LPIN2: variants seen among roughly 807,000 people sequenced by gnomAD.
LPIN2 encodes the protein lipin 2.
LPIN2 carries 55 observed loss-of-function variants against 111.4 expected under a neutral mutation model. The ratio of observed to expected loss-of-function variants is 0.49; its 90% confidence interval spans 0.40 to 0.62. The LOEUF (loss-of-function observed/expected upper bound fraction) is 0.62. Among genes scored for constraint, LPIN2 ranks in the 20% least tolerant of loss-of-function variants. The probability of loss-of-function intolerance (pLI) is 0.00; values close to 1 mark genes in which losing one functional copy is unlikely to be tolerated. For missense variants in LPIN2, 992 were observed against 1,112.1 expected (o/e 0.89, Z 1.54); for synonymous variants, 425 against 414.0 (o/e 1.03, Z -0.32).
chr18:2,943,130 G>A (rs1275784664), intron 4 of LPIN2, among the ~76,000 whole-genome samples: 1 of 151,966 alleles, frequency 6.6e-6, no homozygotes, highest in Non-Finnish European at 1.5e-5. Flanking sequence ...GTATATGACT[G>A]CCAAAATGCA....
In LPIN2 at chr18:2,964,945, T is replaced by C. The variant is rs149794329; in HGVS notation, c.-9-4096A>G. Among the ~76,000 whole-genome samples, 994 of 152,286 alleles carry C rather than the reference T, an allele frequency of 6.5e-3. 14 individuals carry two copies. Among genetic ancestry groups the C allele is most frequent in the African/African-American group, 0.022 (928 of 41,518 alleles). ...CTGATTGGGTCTACTCTGACTCTTA[T>C]GACAATTATTTATGTCCATCTTTAA... On this transcript the variant is annotated intron_variant, in intron 1 of 19. Coordinates refer to ENST00000677752, the MANE Select transcript of LPIN2 (RefSeq NM_001375808.2).
chr18:2,997,526 T>C (rs943996467), intron 1 of LPIN2, among the ~76,000 whole-genome samples: 6 of 152,194 alleles, frequency 3.9e-5, no homozygotes, highest in African/African-American at 1.4e-4. Flanking sequence ...ACCAGGCCAC[T>C]ATGCCTATAA....
At position 2,964,822 on chromosome 18, in the gene LPIN2, T is replaced by G. The variant is rs547531577; in HGVS notation, c.-9-3973A>C. ...TGTCCACTAGAAATCACACTGAATA[T>G]TACCACGCTCTTCCAAATGAAACCA... On this transcript the variant is annotated intron_variant, in intron 1 of 19. Coordinates refer to ENST00000677752, the MANE Select transcript of LPIN2 (RefSeq NM_001375808.2). Among the ~76,000 whole-genome samples, 423 of 152,206 alleles carry G rather than the reference T, an allele frequency of 2.8e-3. 1 individual carries two copies. Among genetic ancestry groups the G allele is most frequent in the African/African-American group, 9.5e-3 (395 of 41,506 alleles).
intron 1 of LPIN2, among the ~76,000 whole-genome samples, chr18:2,980,366 T>TA (rs2078089846): frequency 6.6e-6 from 1 of 152,142 alleles, no homozygotes; most frequent in Admixed American, 6.5e-5. Context: ...GGAACACAGT[T>TA]AGTTTTAGAC....
intron 1 of LPIN2, among the ~76,000 whole-genome samples, chr18:3,006,790 T>G (rs1483762241): frequency 2.0e-5 from 3 of 150,492 alleles, no homozygotes; most frequent in Non-Finnish European, 4.4e-5. Flanking sequence ...TGAGCAGAGA[T>G]CGCGCCGCTG....
rs1233435399 is a variant in LPIN2 at position 2,918,064 on chromosome 18, C to T, written c.*2229G>A. The T allele has an allele frequency of 6.6e-6, 1 of 151,982 alleles. No individual in the cohort carries two copies. The highest frequency in any genetic ancestry group is 1.5e-5 in the Non-Finnish European group (1 of 68,036). 9.4% of individuals were successfully genotyped at this position (151,982 alleles called of 1,614,324 possible). On this transcript the variant is annotated 3_prime_UTR_variant, in exon 20 of 20. Coordinates refer to ENST00000677752, the MANE Select transcript of LPIN2 (RefSeq NM_001375808.2). ...ACACTACAGCAATAGTAATCATCTA[C>T]TTTCAGCAAGAGGGACTCCTTTAAA... is the stretch of plus-strand genomic sequence containing the variant.
intron 9 of LPIN2, among the ~76,000 whole-genome samples, chr18:2,929,795 A>T (rs1207210249): frequency 6.6e-6 from 1 of 152,178 alleles, no homozygotes; most frequent in Non-Finnish European, 1.5e-5. Flanking sequence ...AATTCCAGCT[A>T]CTTGGGAGGC....
chr18:2,983,988 T>A (rs1462918308), intron 1 of LPIN2, among the ~76,000 whole-genome samples: 1 of 152,158 alleles, frequency 6.6e-6, no homozygotes, highest in African/African-American at 2.4e-5. Context: ...CATCATTCCT[T>A]TAAAGTATTT....
intron 2 of LPIN2, among the ~76,000 whole-genome samples, chr18:2,956,210 G>C (rs2077610690): frequency 1.3e-5 from 2 of 152,104 alleles, no homozygotes. Flanking sequence ...CCTGTTGAAA[G>C]AGAAAAAAAT....
At position 2,919,292 on chromosome 18, in the gene LPIN2, A is replaced by G. The variant is rs566970167; in HGVS notation, c.*1001T>C. 1 of 152,334 alleles carries G rather than the reference A, an allele frequency of 6.6e-6. No individual in the cohort carries two copies. Among genetic ancestry groups the G allele is most frequent in the Admixed American group, 6.5e-5 (1 of 15,298 alleles). The allele number at this position is 152,334 out of a possible 1,614,324, so 9.4% of individuals were successfully genotyped here. On this transcript the variant is annotated 3_prime_UTR_variant, in exon 20 of 20. Coordinates refer to ENST00000677752, the MANE Select transcript of LPIN2 (RefSeq NM_001375808.2). The stretch of plus-strand genomic sequence containing the variant: ...GGGCCCGATTACAGGGTGTGATCCC[A>G]AAAGCCAAAGTCACACACTGCTGGC...
chr18:2,969,353 G>A (rs981099710), intron 1 of LPIN2, among the ~76,000 whole-genome samples: 1 of 152,176 alleles, frequency 6.6e-6, no homozygotes, highest in Non-Finnish European at 1.5e-5. Flanking sequence ...GGGAGTTTTT[G>A]AATCGTTCTG....
chr18:2,942,851 C>T (rs1011998583), intron 4 of LPIN2, among the ~76,000 whole-genome samples: 1 of 152,216 alleles, frequency 6.6e-6, no homozygotes, highest in East Asian at 1.9e-4. Context: ...AAGCACGTGA[C>T]GTGAGGCTAT....
intron 18 of LPIN2, 120 bp downstream of exon 18, chr18:2,921,413 G>A (rs2077051947): frequency 5.1e-6 from 4 of 783,890 alleles, no homozygotes; most frequent in East Asian, 2.6e-5. Flanking sequence ...CGAACAAGCA[G>A]AACAGATGCC....
chr18:2,925,408 C>G lies in LPIN2; in HGVS notation c.1794-40G>C. 6.2e-7 allele frequency: 1 copy of G among 1,613,320 alleles called. No homozygotes were observed. Among genetic ancestry groups the G allele is most frequent in the Non-Finnish European group, 8.5e-7 (1 of 1,179,618 alleles). ...CCCAGTTACGGAAGAGGCAGCAGGG[C>G]ATTTTATTGATGAGAGCTTTTCATT... is the stretch of plus-strand genomic sequence containing the variant. On this transcript the variant is annotated intron_variant, in intron 13 of 19. Coordinates refer to ENST00000677752, the MANE Select transcript of LPIN2 (RefSeq NM_001375808.2). This position sits in a 1 kb window ranked among gnomAD's most constrained non-coding sequence, Gnocchi z 4.1.
chr18:2,991,701 G>T (rs1266307134), intron 1 of LPIN2, among the ~76,000 whole-genome samples: 1 of 151,912 alleles, frequency 6.6e-6, no homozygotes, highest in South Asian at 2.1e-4. Context: ...ACCAGAATGA[G>T]GGCCTGTCTC....
At chr18:2,958,283 A>G (rs2077655337) in intron 2 of LPIN2, among the ~76,000 whole-genome samples, 1 of 152,008 alleles carries the variant, frequency 6.6e-6, no homozygotes, top group Non-Finnish European at 1.5e-5. Context: ...GTAAACTCCT[A>G]AGTTACTAAA....
chr18:3,011,077 G>A (rs1219031138), intron 1 of LPIN2, among the ~76,000 whole-genome samples: 1 of 152,092 alleles, frequency 6.6e-6, no homozygotes, highest in Non-Finnish European at 1.5e-5. Context: ...AACTTACTGA[G>A]CAGCTATGGA....
At chr18:3,003,805 T>G (rs943402131) in intron 1 of LPIN2, among the ~76,000 whole-genome samples, 1 of 152,172 alleles carries the variant, frequency 6.6e-6, no homozygotes, top group African/African-American at 2.4e-5. Context: ...CAGGGAACAA[T>G]GGAAGATAAC....
Position 2,937,740 on chromosome 18 carries a change from A to G in LPIN2, c.1120T>C (p.Ser374Pro). The G allele has an allele frequency of 6.2e-7, 1 of 1,614,042 alleles. No homozygotes were observed. Among genetic ancestry groups the G allele is most frequent in the Non-Finnish European group, 8.5e-7 (1 of 1,180,010 alleles). ...LPNAALAEAP[S>P]ESKPAAKVDS... Reference sequence around the variant, plus strand: ...ACTTTAGCTGCCGGTTTGGATTCTGAGGGCGCCTCCGCTAAGGCTGCGTTG... The same window carrying G: ...ACTTTAGCTGCCGGTTTGGATTCTGGGGGCGCCTCCGCTAAGGCTGCGTTG... The change falls in exon 7 of 20, where the codon TCA becomes CCA. Residue 374 changes from serine to proline, a missense_variant. Ser to Pro is a moderately conservative substitution (Grantham distance 74). Coordinates refer to ENST00000677752, the MANE Select transcript of LPIN2 (RefSeq NM_001375808.2).
Sources: gnomAD v4.1 joint callset for allele counts (sites outside exome capture counted in the v4.1 genomes callset) on GRCh38, gnomAD v4.1.1 for gene constraint, Gnocchi (gnomAD v3.1) non-coding constraint, MANE v1.5 for transcripts, NCBI Gene and HGNC (gene_info 2026-07-23, HGNC 2026-07-21) for gene names.